The following TENM3 variants were observed in gnomAD, a reference collection of about 807,000 sequenced individuals.
TENM3 encodes the protein teneurin-3.
A neutral mutation model predicts 255.1 loss-of-function variants in TENM3; 63 were observed. The observed-to-expected ratio is 0.25, with a 90% CI of 0.20 to 0.30. The LOEUF (loss-of-function observed/expected upper bound fraction) is 0.30, where lower values mean the gene tolerates loss of function less well. Ranked by LOEUF, TENM3 falls within the 10% of genes least tolerant of loss-of-function variation. The pLI is 1.00. For missense variants in TENM3, 2,929 were observed against 3,461.1 expected (o/e 0.85, Z 3.86); for synonymous variants, 1,306 against 1,322.3 (o/e 0.99, Z 0.27).
intron 23 of TENM3, among the ~76,000 whole-genome samples, chr4:182,774,337 C>T (rs1024622119): frequency 1.3e-5 from 2 of 152,112 alleles, no homozygotes; most frequent in Non-Finnish European, 2.9e-5. Flanking sequence ...CATTCCTTCC[C>T]CAAATGGTCC....
chr4:181,665,842 T>A, the TENM3 span, among the ~76,000 whole-genome samples: 13 of 152,090 alleles, frequency 8.5e-5, no homozygotes, highest in Admixed American at 7.9e-4. Context: ...TGAAAATTTT[T>A]ATTAAATTTC....
At chr4:182,143,148 A>C (rs970856169), upstream of TENM3, 2 of 167,162 alleles carry the variant, frequency 1.2e-5, no homozygotes, top group Non-Finnish European at 2.9e-5. This position sits in a 1 kb window ranked among gnomAD's most constrained non-coding sequence, Gnocchi z 4.3. Context: ...ATCTGAGGGG[A>C]GAATGGAGAG....
At position 182,800,003 on chromosome 4, in the gene TENM3, G is replaced by C. The variant is rs1482411063; in HGVS notation, c.7752G>C (p.Thr2584=). Residue 2584 remains threonine, a synonymous_variant, in exon 28 of 28, where the codon ACG becomes ACC. Transcript: ENST00000511685. ...GINVTVSQST[T]VVNGRTRRFA... The stretch of plus-strand genomic sequence containing the variant: ...ACGTGACGGTGTCGCAGTCCACCAC[G>C]GTGGTGAACGGCAGGACGCGCAGGT... 6.3e-7 allele frequency: 1 copy of C among 1,593,658 alleles called. No individual in the cohort carries two copies.
intron 3 of TENM3, among the ~76,000 whole-genome samples, chr4:182,492,496 T>G (rs1048854595): frequency 1.3e-5 from 2 of 152,194 alleles, no homozygotes; most frequent in Non-Finnish European, 2.9e-5. Flanking sequence ...AAGGAAGTAA[T>G]ATTCATGTCA....
At chr4:182,751,296 G>A (rs1007056091) in intron 19 of TENM3, among the ~76,000 whole-genome samples, 1 of 151,916 alleles carries the variant, frequency 6.6e-6, no homozygotes, top group African/African-American at 2.4e-5. Flanking sequence ...GACAGATACA[G>A]TGGTACATTT....
chr4:181,568,534 C>T, the TENM3 span, among the ~76,000 whole-genome samples: 2 of 152,064 alleles, frequency 1.3e-5, no homozygotes, highest in Non-Finnish European at 2.9e-5. Flanking sequence ...TCCACGTATC[C>T]TCATGCTTCC....
the TENM3 span, among the ~76,000 whole-genome samples, chr4:181,751,415 GAAAAAAA>G: frequency 6.1e-5 from 7 of 114,718 alleles, no homozygotes; most frequent in Non-Finnish European, 1.1e-4. Flanking sequence ...CCTTCCAAAG[GAAAAAAA>G]AAAAAAAAAA....
chr4:181,907,997 A>G, the TENM3 span, among the ~76,000 whole-genome samples: 4 of 152,144 alleles, frequency 2.6e-5, no homozygotes, highest in Non-Finnish European at 2.9e-5. Context: ...TATTAAGACA[A>G]CGTGTATTTT....
At chr4:181,641,067 A>T in the TENM3 span, among the ~76,000 whole-genome samples, 1 of 152,214 alleles carries the variant, frequency 6.6e-6, no homozygotes, top group African/African-American at 2.4e-5. Context: ...TTTTATCAAA[A>T]TATTGAAGCG....
intron 3 of TENM3, among the ~76,000 whole-genome samples, chr4:182,508,572 G>A (rs1392169530): frequency 3.3e-5 from 5 of 152,158 alleles, no homozygotes; most frequent in Non-Finnish European, 7.4e-5. Flanking sequence ...ACATAGGTGA[G>A]TAATAAATGA....
At chr4:181,927,565 C>T in the TENM3 span, among the ~76,000 whole-genome samples, 4 of 152,220 alleles carry the variant, frequency 2.6e-5, no homozygotes, top group Non-Finnish European at 4.4e-5. Context: ...TGGGACAGAG[C>T]ACCTGGGGGA....
chr4:182,796,630 C>A lies in TENM3; in HGVS notation c.7214-7C>A. 1 of 1,600,866 alleles carries A rather than the reference C, an allele frequency of 6.2e-7. No individual in the cohort carries two copies. Among genetic ancestry groups the A allele is most frequent in the South Asian group, 1.1e-5 (1 of 87,286 alleles). ...AACACCTTTCATTCTGAACATTCTT[C>A]TCCTAGATGTTAACAGCTGGCTGGT... On this transcript the variant is annotated splice_region_variant and splice_polypyrimidine_tract_variant and intron_variant, in intron 26 of 27. Transcript: ENST00000511685.
At chr4:181,557,181 A>C in the TENM3 span, among the ~76,000 whole-genome samples, 10,948 of 152,270 alleles carry the variant, frequency 0.072, 522 homozygotes, top group Middle Eastern at 0.12. Context: ...TTATTTGCTT[A>C]ATAGAATAGG....
the TENM3 span, among the ~76,000 whole-genome samples, chr4:181,556,848 C>T: frequency 4.6e-4 from 70 of 152,198 alleles, no homozygotes; most frequent in Middle Eastern, 3.4e-3. Context: ...TTATAACTTG[C>T]AACATCTCAA....
intron 1 of TENM3, among the ~76,000 whole-genome samples, chr4:182,273,719 T>C (rs542715587): frequency 6.6e-6 from 1 of 152,320 alleles, no homozygotes; most frequent in Non-Finnish European, 1.5e-5. Flanking sequence ...CTATTCAGAC[T>C]TGAGGAGCAG....
At chr4:181,684,435 C>A in the TENM3 span, among the ~76,000 whole-genome samples, 1 of 152,124 alleles carries the variant, frequency 6.6e-6, no homozygotes, top group Non-Finnish European at 1.5e-5. Context: ...GTTTTCACAT[C>A]CCATTCACTT....
chr4:182,787,369 C>G (rs552438372), intron 24 of TENM3, among the ~76,000 whole-genome samples: 13 of 152,188 alleles, frequency 8.5e-5, no homozygotes, highest in Non-Finnish European at 1.0e-4. Context: ...AACCACCACT[C>G]CGGACTATCT....
intron 3 of TENM3, among the ~76,000 whole-genome samples, chr4:182,450,795 A>G (rs1773393232): frequency 6.6e-6 from 1 of 152,254 alleles, no homozygotes; most frequent in Middle Eastern, 3.2e-3. Flanking sequence ...AGAGAAGAAT[A>G]GTGCTGTATA....
At chr4:182,532,989 C>T (rs1333399286) in intron 3 of TENM3, among the ~76,000 whole-genome samples, 1 of 152,208 alleles carries the variant, frequency 6.6e-6, no homozygotes, top group East Asian at 1.9e-4. Flanking sequence ...GCATTATTTC[C>T]CAAGGGTACA....
Sources: gnomAD v4.1 joint callset for allele counts (sites outside exome capture counted in the v4.1 genomes callset) on GRCh38, gnomAD v4.1.1 for gene constraint, Gnocchi (gnomAD v3.1) non-coding constraint, MANE v1.5 for transcripts, NCBI Gene and HGNC (gene_info 2026-07-23, HGNC 2026-07-21) for gene names.